SND1: variants seen among roughly 807,000 people sequenced by gnomAD.
The protein encoded by SND1 is staphylococcal nuclease domain-containing protein 1.
SND1 carries 38 observed loss-of-function variants against 121.7 expected under a neutral mutation model. That is an observed-to-expected ratio of 0.31 (90% confidence interval 0.24 to 0.41). The LOEUF (loss-of-function observed/expected upper bound fraction) is 0.41. SND1 is among the 10% of genes least tolerant of loss of function. The pLI is 1.00. For synonymous variants in SND1, 401 were observed against 447.4 expected (o/e 0.90, Z 1.31); for missense variants, 868 against 1,184.6 (o/e 0.73, Z 3.92).
At chr7:127,660,537 C>T (rs566334195) in intron 1 of SND1, among the ~76,000 whole-genome samples, 7 of 152,262 alleles carry the variant, frequency 4.6e-5, no homozygotes, top group Non-Finnish European at 7.4e-5. Flanking sequence ...TTATCTGAAA[C>T]GCTTGGACTA....
At position 128,088,547 on chromosome 7, in the gene SND1, GGTTGA is replaced by G. The variant is rs1209790238; in HGVS notation, c.2419-941_2419-937del. Among the ~76,000 whole-genome samples, 95 of 148,650 alleles carry G rather than the reference GGTTGA, an allele frequency of 6.4e-4. 1 individual carries two copies. The highest frequency in any genetic ancestry group is 1.1e-3 in the Admixed American group (16 of 14,622). Reference sequence around the variant, plus strand: ...GGCTCACTGCAACCTCTCCCTCCCAGGTTGAAGTGATTCTCCCACCTCAGCCTTCC... The same window carrying G: ...GGCTCACTGCAACCTCTCCCTCCCAGAGTGATTCTCCCACCTCAGCCTTCC... On this transcript the variant is annotated intron_variant, in intron 21 of 23. Transcript: ENST00000354725.
At chr7:127,718,815 G>A in intron 9 of SND1, 2 of 843,762 alleles carry the variant, frequency 2.4e-6, no homozygotes, top group Non-Finnish European at 2.9e-6. Context: ...TGACTAGGGA[G>A]CAGAAAACGT....
At chr7:127,880,125 G>A (rs1010178424) in intron 12 of SND1, among the ~76,000 whole-genome samples, 4 of 152,164 alleles carry the variant, frequency 2.6e-5, no homozygotes, top group South Asian at 2.1e-4. Context: ...ACCTTCCAGC[G>A]TAGGCTATGA....
intron 12 of SND1, among the ~76,000 whole-genome samples, chr7:127,872,848 T>A (rs564387170): frequency 2.0e-5 from 3 of 152,140 alleles, no homozygotes; most frequent in Admixed American, 6.5e-5. Context: ...ATTGGGAAAA[T>A]GAATGTAGTT....
Position 128,067,201 on chromosome 7 carries a change from A to C in SND1, c.1780-7301A>C, listed in dbSNP as rs1468896713. Reference sequence around the variant, plus strand: ...TCTCATTTCCCAGATGGAGAAACTAAGCCCAAAGAGAGGTGCAGTGTGCCC... The same window carrying C: ...TCTCATTTCCCAGATGGAGAAACTACGCCCAAAGAGAGGTGCAGTGTGCCC... On this transcript the variant is annotated intron_variant, in intron 16 of 23. Coordinates refer to ENST00000354725, the MANE Select transcript of SND1 (RefSeq NM_014390.4). Among the ~76,000 whole-genome samples, 5 of 152,170 alleles carry C rather than the reference A, an allele frequency of 3.3e-5. No individual in the cohort carries two copies. In the East Asian group the frequency reaches 9.6e-4, roughly 29 times the overall value.
intron 10 of SND1, among the ~76,000 whole-genome samples, chr7:127,774,374 GAAGA>G (rs1197174751): frequency 2.0e-5 from 3 of 152,084 alleles, no homozygotes; most frequent in Non-Finnish European, 4.4e-5. Flanking sequence ...ATCTATTATT[GAAGA>G]AAGATTTTTA....
At chr7:127,652,614 G>A (rs1050753594) in intron 1 of SND1, among the ~76,000 whole-genome samples, 163 bp downstream of exon 1, 1 of 152,190 alleles carries the variant, frequency 6.6e-6, no homozygotes, top group Admixed American at 6.5e-5. Context: ...GACGGAAGCA[G>A]ACACGGAGTC....
intron 11 of SND1, among the ~76,000 whole-genome samples, chr7:127,838,300 G>A (rs1190228146): frequency 6.6e-6 from 1 of 152,166 alleles, no homozygotes; most frequent in African/African-American, 2.4e-5. Context: ...AAGGAACAGG[G>A]GAGCTGAACA....
intron 10 of SND1, among the ~76,000 whole-genome samples, chr7:127,799,428 ATTCT>A (rs1798087275): frequency 6.6e-6 from 1 of 152,170 alleles, no homozygotes; most frequent in Non-Finnish European, 1.5e-5. Context: ...AACTATTATT[ATTCT>A]TTAAGTTCTA....
chr7:127,662,631 T>G (rs1392398496), intron 1 of SND1, among the ~76,000 whole-genome samples: 7 of 152,164 alleles, frequency 4.6e-5, no homozygotes, highest in Non-Finnish European at 1.0e-4. Flanking sequence ...AAATTTAGGG[T>G]AAAATACTGC....
intron 12 of SND1, among the ~76,000 whole-genome samples, chr7:127,879,933 A>C (rs1484836107): frequency 6.6e-6 from 1 of 152,212 alleles, no homozygotes; most frequent in African/African-American, 2.4e-5. Flanking sequence ...GCATGCAGGC[A>C]TCTGCATGAG....
intron 16 of SND1, chr7:128,030,682 C>T (rs367744557): frequency 1.3e-6 from 2 of 1,522,722 alleles, no homozygotes; most frequent in Non-Finnish European, 1.8e-6. Context: ...GGGATTTTGG[C>T]TCGGAAAGGA....
chr7:127,873,030 C>T (rs913484355), intron 12 of SND1, among the ~76,000 whole-genome samples: 1 of 152,106 alleles, frequency 6.6e-6, no homozygotes, highest in South Asian at 2.1e-4. Flanking sequence ...TTGATATGTT[C>T]TTGACTTTAA....
At chr7:128,081,172 A>G (rs1193445202) in intron 17 of SND1, among the ~76,000 whole-genome samples, 188 bp from the exon 18 acceptor site, 1 of 151,768 alleles carries the variant, frequency 6.6e-6, no homozygotes, top group East Asian at 1.9e-4. Flanking sequence ...AATTTTTTGT[A>G]TTTTTAGTAG....
chr7:128,083,695 G>A (rs1793643405), intron 18 of SND1, among the ~76,000 whole-genome samples: 1 of 152,220 alleles, frequency 6.6e-6, no homozygotes, highest in South Asian at 2.1e-4. Context: ...ACAGACATAT[G>A]TTGCGCCCTC....
At position 127,876,971 on chromosome 7, in the gene SND1, G is replaced by A. The variant is rs77607803; in HGVS notation, c.1344-10931G>A. Among the ~76,000 whole-genome samples the A allele has an allele frequency of 5.7e-3, 865 of 152,174 alleles. 9 individuals are homozygous for A. Among genetic ancestry groups the A allele is most frequent in the African/African-American group, 0.02 (824 of 41,532 alleles). ...GGGAAAATATTAGATATTTGAAGAT[G>A]GACATTGTTTTATTACCGCTTATAT... On this transcript the variant is annotated intron_variant, in intron 12 of 23. Coordinates refer to ENST00000354725, the MANE Select transcript of SND1 (RefSeq NM_014390.4).
chr7:128,007,600 C>A (rs1286570539), intron 16 of SND1, among the ~76,000 whole-genome samples: 2 of 152,088 alleles, frequency 1.3e-5, no homozygotes, highest in African/African-American at 2.4e-5. Flanking sequence ...TTTAGAAACT[C>A]CTTTTTTAGG....
chr7:127,814,319 T>C (rs752272025), intron 11 of SND1, among the ~76,000 whole-genome samples: 11 of 152,128 alleles, frequency 7.2e-5, no homozygotes, highest in Non-Finnish European at 1.3e-4. Flanking sequence ...AGGCTTTTTT[T>C]CCCACTTTAA....
intron 10 of SND1, among the ~76,000 whole-genome samples, chr7:127,723,673 C>T (rs190512064): frequency 1.5e-4 from 23 of 152,212 alleles, no homozygotes; most frequent in Non-Finnish European, 3.4e-4. Context: ...GCTGCTGTAC[C>T]TTGTGAGTGT....
Sources: allele counts gnomAD v4.1 joint callset (sites outside exome capture counted in the v4.1 genomes callset), GRCh38; gene constraint gnomAD v4.1.1; transcripts MANE v1.5; gene names NCBI Gene and HGNC (gene_info 2026-07-23, HGNC 2026-07-21).